CCDC18: variants seen among roughly 807,000 people sequenced by gnomAD.
The protein encoded by CCDC18 is coiled-coil domain containing 18, also known as coiled-coil domain-containing protein 18.
Under a neutral mutation model 196.0 loss-of-function variants are expected in CCDC18, and 157 were observed. The ratio of observed to expected loss-of-function variants is 0.80; its 90% CI spans 0.70 to 0.91. CCDC18 has a LOEUF of 0.91. CCDC18 is among the 40% of genes least tolerant of loss of function. CCDC18 has a pLI of 0.00. For synonymous variants in CCDC18, 482 were observed against 529.2 expected, an observed-to-expected ratio of 0.91 and a Z score of 1.22; for missense variants, 1,465 against 1,611.6, an observed-to-expected ratio of 0.91 and a Z score of 1.56.
chr1:93,246,735 T>TG (rs1661539141), intron 22 of CCDC18, 103 bp from the exon 23 acceptor site: 4 of 627,856 alleles, frequency 6.4e-6, no homozygotes, highest in Non-Finnish European at 1.1e-5. Context: ...ACTAATGAGT[T>TG]TATACTTGTT....
intron 3 of CCDC18, 66 bp downstream of exon 3, chr1:93,184,212 A>C: frequency 1.2e-6 from 1 of 816,320 alleles, no homozygotes; most frequent in Non-Finnish European, 1.6e-6. Flanking sequence ...CTTAAAAAAA[A>C]TTTTTTTTAA....
chr1:93,259,861 C>G (rs1224501434), intron 26 of CCDC18, among the ~76,000 whole-genome samples: 5 of 152,174 alleles, frequency 3.3e-5, no homozygotes, highest in Non-Finnish European at 7.3e-5. Flanking sequence ...ACTCATTACA[C>G]TTTCATTATA....
chr1:93,253,215 G>A (rs1274582257), intron 23 of CCDC18, among the ~76,000 whole-genome samples: 2 of 152,230 alleles, frequency 1.3e-5, no homozygotes, highest in African/African-American at 4.8e-5. Context: ...TTGAGACTGG[G>A]CCCCCTTGGC....
chr1:93,231,935 C>A (rs1028657708), intron 17 of CCDC18, among the ~76,000 whole-genome samples: 1 of 152,154 alleles, frequency 6.6e-6, no homozygotes, highest in Non-Finnish European at 1.5e-5. Context: ...GCAGATAAAA[C>A]CATGGCTGCC....
At chr1:93,261,873 T>C (rs1663843282) in intron 26 of CCDC18, among the ~76,000 whole-genome samples, 1 of 152,176 alleles carries the variant, frequency 6.6e-6, no homozygotes, top group Non-Finnish European at 1.5e-5. Context: ...CACACTGCTA[T>C]AAAGAAATAC....
At chr1:93,223,570 A>G (rs2102270057) in intron 16 of CCDC18, among the ~76,000 whole-genome samples, 1 of 152,324 alleles carries the variant, frequency 6.6e-6, no homozygotes, top group South Asian at 2.1e-4. Flanking sequence ...AAGTTGTATC[A>G]CTAAGCTAAA....
Position 93,226,418 on chromosome 1 carries a change from T to A in CCDC18, c.2261T>A (p.Phe754Tyr), listed in dbSNP as rs200331527. The change falls in exon 17 of 29, where the codon TTT (phenylalanine) becomes TAT (tyrosine). Residue 754 changes from phenylalanine to tyrosine, a missense_variant. Phe to Tyr is a conservative substitution (Grantham distance 22). Coordinates refer to ENST00000690025, the MANE Select transcript of CCDC18 (RefSeq NM_001378204.1). ...CAATTGGAAGGAAATAAGGAAAAGT[T>A]TGAAAAACAGTTAAAGAAGAAATCT... The part of the protein sequence containing the change: ...LNQLEGNKEK[F>Y]EKQLKKKSEE... The A allele has an allele frequency of 3.2e-6, 5 of 1,567,344 alleles. No homozygotes were observed. In the African/African-American group the frequency reaches 6.8e-5, roughly 21 times the overall value.
At chr1:93,225,697 A>G (rs957206508) in intron 16 of CCDC18, among the ~76,000 whole-genome samples, 1 of 152,016 alleles carries the variant, frequency 6.6e-6, no homozygotes, top group African/African-American at 2.4e-5. Context: ...GAATTGCTTG[A>G]ACCTGGGAGG....
At chr1:93,235,740 T>C (rs1467542562) in intron 18 of CCDC18, among the ~76,000 whole-genome samples, 1 of 152,048 alleles carries the variant, frequency 6.6e-6, no homozygotes, top group Admixed American at 6.6e-5. Context: ...AAAAAATGAA[T>C]AGGAATTGAA....
Position 93,205,637 on chromosome 1 carries a change from G to T in CCDC18, c.917+6G>T, listed in dbSNP as rs1654592537. The stretch of plus-strand genomic sequence containing the variant: ...ATTCTGAAAGAGAAATTAAGGTACA[G>T]TATTCTGTTGTAGAAAAAGGATTTT... On this transcript the variant is annotated splice_donor_region_variant and intron_variant, in intron 8 of 28. Coordinates refer to ENST00000690025, the MANE Select transcript of CCDC18 (RefSeq NM_001378204.1). 17 of 1,579,534 alleles carry T rather than the reference G, an allele frequency of 1.1e-5. No individual in the cohort carries two copies. Among genetic ancestry groups the T allele is most frequent in the Non-Finnish European group, 1.5e-5 (17 of 1,166,622 alleles).
At chr1:93,232,332 A>C in intron 17 of CCDC18, 94 bp from the exon 18 acceptor site, 2 of 707,510 alleles carry the variant, frequency 2.8e-6, no homozygotes, top group Non-Finnish European at 4.7e-6. Flanking sequence ...TGACAAGTGG[A>C]TGGTTATCTA....
chr1:93,266,628 T>C (rs1237479900), intron 27 of CCDC18, among the ~76,000 whole-genome samples: 4 of 152,144 alleles, frequency 2.6e-5, no homozygotes, highest in East Asian at 1.9e-4. Context: ...ACTGATCCCA[T>C]AGAAATACAA....
chr1:93,270,881 A>G, intron 28 of CCDC18, 67 bp downstream of exon 28: 1 of 1,381,660 alleles, frequency 7.2e-7, no homozygotes, highest in Non-Finnish European at 9.5e-7. Context: ...ATTACTTGGA[A>G]GAAAATTCAT....
chr1:93,261,631 A>G (rs766457314), intron 26 of CCDC18, among the ~76,000 whole-genome samples: 20 of 152,224 alleles, frequency 1.3e-4, no homozygotes, highest in Non-Finnish European at 2.4e-4. Flanking sequence ...TAAGCAAGAC[A>G]TGGTCCCCCA....
At chr1:93,198,783 G>T (rs940963475) in intron 6 of CCDC18, among the ~76,000 whole-genome samples, 1 of 152,024 alleles carries the variant, frequency 6.6e-6, no homozygotes, top group African/African-American at 2.4e-5. Flanking sequence ...AGATAGTTAG[G>T]ACTACAGGCT....
intron 18 of CCDC18, among the ~76,000 whole-genome samples, chr1:93,235,507 TGAA>T (rs1389110479): frequency 6.6e-6 from 1 of 152,162 alleles, no homozygotes; most frequent in Non-Finnish European, 1.5e-5. Context: ...GGCTATGGGT[TGAA>T]GAATGAGAAG....
At chr1:93,188,587 C>A (rs535520194) in intron 4 of CCDC18, among the ~76,000 whole-genome samples, 1 of 152,276 alleles carries the variant, frequency 6.6e-6, no homozygotes, top group Non-Finnish European at 1.5e-5. Flanking sequence ...CTTCCAGTGC[C>A]ACTTTGAAAA....
chr1:93,268,909 A>G (rs1377993343), intron 27 of CCDC18, among the ~76,000 whole-genome samples: 1 of 152,170 alleles, frequency 6.6e-6, no homozygotes, highest in African/African-American at 2.4e-5. Context: ...CATTTGACCC[A>G]GCCATCCCAT....
At chr1:93,259,810 A>G (rs1663534265) in intron 26 of CCDC18, among the ~76,000 whole-genome samples, 1 of 152,224 alleles carries the variant, frequency 6.6e-6, no homozygotes, top group Non-Finnish European at 1.5e-5. Flanking sequence ...CTTAGTAACT[A>G]TCAGTAATAA....
Sources: allele counts gnomAD v4.1 joint callset (sites outside exome capture counted in the v4.1 genomes callset), GRCh38; gene constraint gnomAD v4.1.1; transcripts MANE v1.5; gene names NCBI Gene and HGNC (gene_info 2026-07-23, HGNC 2026-07-21).